The following FRS2 variants were observed in gnomAD, a reference collection of about 807,000 sequenced individuals.
The protein encoded by FRS2 is FGFR signalling adaptor.
FRS2 carries 8 observed loss-of-function variants against 43.9 expected under a neutral mutation model. That is an observed-to-expected ratio of 0.18 (90% CI 0.11 to 0.33). The LOEUF (loss-of-function observed/expected upper bound fraction) is 0.33. Among genes scored for constraint, FRS2 ranks in the 10% least tolerant of loss-of-function variants. The pLI is 1.00. For synonymous variants in FRS2, 219 were observed against 220.3 expected, an observed-to-expected ratio of 0.99 and a Z score of 0.05; for missense variants, 534 against 627.6, an observed-to-expected ratio of 0.85 and a Z score of 1.59.
chr12:69,528,790 G>C (rs974703200), intron 1 of FRS2, among the ~76,000 whole-genome samples: 4 of 152,160 alleles, frequency 2.6e-5, no homozygotes, highest in African/African-American at 9.7e-5. Context: ...AGGACACTAG[G>C]GCAGATTTCT....
chr12:69,571,106 G>T (rs1880713716), intron 6 of FRS2, among the ~76,000 whole-genome samples, 170 bp from the exon 7 acceptor site: 1 of 152,064 alleles, frequency 6.6e-6, no homozygotes, highest in Admixed American at 6.5e-5. Context: ...TTTGGCGGGG[G>T]TTTGTTTTGA....
chr12:69,523,031 A>G (rs944327725), intron 1 of FRS2, among the ~76,000 whole-genome samples: 1 of 152,186 alleles, frequency 6.6e-6, no homozygotes, highest in Non-Finnish European at 1.5e-5. Context: ...TATGTGCCGT[A>G]TGGCGATAAG....
At chr12:69,492,518 A>G (rs994133724) in intron 1 of FRS2, among the ~76,000 whole-genome samples, 2 of 152,224 alleles carry the variant, frequency 1.3e-5, no homozygotes, top group East Asian at 1.9e-4. Flanking sequence ...GAAGATTTCT[A>G]GGGATAAGAC....
chr12:69,521,544 A>G (rs147619428), intron 1 of FRS2, among the ~76,000 whole-genome samples: 1 of 152,150 alleles, frequency 6.6e-6, no homozygotes, highest in Non-Finnish European at 1.5e-5. Flanking sequence ...TGGGTTTGTC[A>G]TAGATAGCTC....
At chr12:69,525,252 T>A (rs1565746897) in intron 1 of FRS2, among the ~76,000 whole-genome samples, 1 of 152,116 alleles carries the variant, frequency 6.6e-6, no homozygotes, top group Non-Finnish European at 1.5e-5. Context: ...GTGTGTAGCA[T>A]GTTTTTATAC....
chr12:69,556,013 G>GC (rs982486460), intron 3 of FRS2, among the ~76,000 whole-genome samples: 7 of 151,298 alleles, frequency 4.6e-5, no homozygotes, highest in Non-Finnish European at 7.4e-5. Flanking sequence ...TGTGGCGGGG[G>GC]GGGGGGCGGT....
At chr12:69,539,374 G>A (rs1435286507) in intron 3 of FRS2, among the ~76,000 whole-genome samples, 1 of 151,980 alleles carries the variant, frequency 6.6e-6, no homozygotes, top group Non-Finnish European at 1.5e-5. Flanking sequence ...GTGCCCAGTT[G>A]GATTTCAGGG....
intron 6 of FRS2, among the ~76,000 whole-genome samples, 153 bp from the exon 7 acceptor site, chr12:69,571,123 G>A (rs1305237820): frequency 6.6e-6 from 1 of 152,122 alleles, no homozygotes; most frequent in Non-Finnish European, 1.5e-5. Flanking sequence ...TTGAAACAGA[G>A]AATAATCATT....
At chr12:69,569,149 T>G in intron 5 of FRS2, 53 bp downstream of exon 5, 5 of 1,022,556 alleles carry the variant, frequency 4.9e-6, no homozygotes, top group South Asian at 1.4e-5. Context: ...GGTGTTCTTC[T>G]TTTATTTCAC....
intron 1 of FRS2, among the ~76,000 whole-genome samples, chr12:69,503,799 T>A (rs1159635641): frequency 1.3e-5 from 2 of 152,208 alleles, no homozygotes; most frequent in Non-Finnish European, 2.9e-5. Context: ...TCTCATGCCC[T>A]ACATCACCCC....
intron 3 of FRS2, among the ~76,000 whole-genome samples, chr12:69,543,466 G>A (rs78830052): frequency 0.015 from 2,306 of 152,266 alleles, 61 homozygotes; most frequent in African/African-American, 0.051. Flanking sequence ...TGTCACTATG[G>A]AGTTTACGTT....
At chr12:69,492,151 C>A (rs1872545158) in intron 1 of FRS2, among the ~76,000 whole-genome samples, 1 of 152,088 alleles carries the variant, frequency 6.6e-6, no homozygotes, top group African/African-American at 2.4e-5. Flanking sequence ...TATTAGCAGT[C>A]ACTGTAATTT....
intron 3 of FRS2, among the ~76,000 whole-genome samples, chr12:69,553,472 C>T (rs1475730706): frequency 6.6e-6 from 1 of 152,076 alleles, no homozygotes; most frequent in Non-Finnish European, 1.5e-5. Context: ...TCCACTAGCA[C>T]TTTCTTTAAG....
intron 1 of FRS2, among the ~76,000 whole-genome samples, chr12:69,490,751 A>T (rs1282770882): frequency 6.6e-6 from 1 of 152,154 alleles, no homozygotes; most frequent in Non-Finnish European, 1.5e-5. Flanking sequence ...GTTTTGGTTG[A>T]TGCAAAGTTG....
intron 3 of FRS2, among the ~76,000 whole-genome samples, chr12:69,548,867 A>T (rs1370654862): frequency 6.6e-6 from 1 of 152,320 alleles, no homozygotes; most frequent in East Asian, 1.9e-4. Context: ...AGGGGCCATT[A>T]CTAGAACCTC....
At chr12:69,551,454 G>C (rs1330496353) in intron 3 of FRS2, among the ~76,000 whole-genome samples, 1 of 152,190 alleles carries the variant, frequency 6.6e-6, no homozygotes, top group Non-Finnish European at 1.5e-5. Context: ...TGGCTCTTCA[G>C]AATTACCTTC....
intron 3 of FRS2, among the ~76,000 whole-genome samples, chr12:69,561,158 G>A (rs527795535): frequency 7.2e-5 from 11 of 152,234 alleles, no homozygotes; most frequent in South Asian, 2.1e-4. Flanking sequence ...AAAGCATGGC[G>A]TATATTTGAG....
intron 1 of FRS2, among the ~76,000 whole-genome samples, chr12:69,501,267 G>T (rs1298462622): frequency 6.6e-6 from 1 of 151,822 alleles, no homozygotes; most frequent in Non-Finnish European, 1.5e-5. Context: ...TAAATACGTA[G>T]TGTAATTGCC....
intron 3 of FRS2, among the ~76,000 whole-genome samples, chr12:69,560,984 A>G (rs1879828545): frequency 6.6e-6 from 1 of 152,166 alleles, no homozygotes; most frequent in Admixed American, 6.6e-5. Context: ...AATGCTTATA[A>G]GTGGAATGAA....
Sources: allele counts gnomAD v4.1 joint callset (sites outside exome capture counted in the v4.1 genomes callset), GRCh38; gene constraint gnomAD v4.1.1; transcripts MANE v1.5; gene names NCBI Gene and HGNC (gene_info 2026-07-23, HGNC 2026-07-21).